The following ATXN1 variants were observed in gnomAD, a reference collection of about 807,000 sequenced individuals.
ATXN1 encodes ataxin 1.
Under a neutral mutation model 56.4 loss-of-function variants are expected in ATXN1, and 8 were observed. The observed-to-expected ratio is 0.14, with a 90% CI of 0.08 to 0.26. The LOEUF (loss-of-function observed/expected upper bound fraction) is 0.26, where lower values mean the gene tolerates loss of function less well. Among genes scored for constraint, ATXN1 ranks in the 10% least tolerant of loss-of-function variants. The pLI is 1.00. For synonymous variants in ATXN1, 514 were observed against 494.6 expected (o/e 1.04, Z -0.52); for missense variants, 987 against 1,106.5 (o/e 0.89, Z 1.53).
intron 2 of ATXN1, among the ~76,000 whole-genome samples, chr6:16,716,076 C>T (rs931179659): frequency 6.6e-5 from 10 of 152,184 alleles, no homozygotes; most frequent in Non-Finnish European, 1.3e-4. Flanking sequence ...GCTAAATTAA[C>T]GCATCCTTCG....
chr6:16,670,579 C>T (rs1758520104), intron 2 of ATXN1, among the ~76,000 whole-genome samples: 1 of 152,192 alleles, frequency 6.6e-6, no homozygotes, highest in African/African-American at 2.4e-5. Flanking sequence ...TCCGTTTTTA[C>T]TTGGCTCATC....
At chr6:16,338,184 T>G (rs763776047) in intron 6 of ATXN1, among the ~76,000 whole-genome samples, 7 of 152,200 alleles carry the variant, frequency 4.6e-5, no homozygotes, top group Non-Finnish European at 8.8e-5. Context: ...AAACCACCTA[T>G]GTTATCCATT....
intron 6 of ATXN1, among the ~76,000 whole-genome samples, chr6:16,441,728 T>C (rs1187755674): frequency 6.6e-6 from 1 of 152,154 alleles, no homozygotes; most frequent in African/African-American, 2.4e-5. Flanking sequence ...ATCCATTTTC[T>C]AGATGAAGAC....
chr6:16,742,066 A>C (rs1760358374), intron 2 of ATXN1, among the ~76,000 whole-genome samples: 1 of 152,214 alleles, frequency 6.6e-6, no homozygotes, highest in Non-Finnish European at 1.5e-5. Flanking sequence ...ATAGAAAGCA[A>C]AGTTGTATGG....
intron 6 of ATXN1, among the ~76,000 whole-genome samples, chr6:16,352,466 C>T (rs1048962440): frequency 3.3e-5 from 5 of 152,146 alleles, no homozygotes; most frequent in South Asian, 2.1e-4. Flanking sequence ...TTTAACAAAA[C>T]GCATGGATTT....
intron 6 of ATXN1, among the ~76,000 whole-genome samples, chr6:16,338,453 A>G (rs1377869486): frequency 6.6e-6 from 1 of 152,186 alleles, no homozygotes; most frequent in Non-Finnish European, 1.5e-5. Context: ...AGATCACACC[A>G]CTGCACTCCA....
chr6:16,635,280 C>G (rs1301416635), intron 3 of ATXN1, among the ~76,000 whole-genome samples: 2 of 152,178 alleles, frequency 1.3e-5, no homozygotes, highest in Non-Finnish European at 2.9e-5. Context: ...AAGGATCTCA[C>G]TGATTCTACA....
intron 3 of ATXN1, among the ~76,000 whole-genome samples, chr6:16,634,946 C>A (rs775243007): frequency 2.6e-5 from 4 of 152,108 alleles, no homozygotes; most frequent in African/African-American, 4.8e-5. Context: ...CTGGTCTCCA[C>A]CAGTTGATTA....
chr6:16,520,780 C>T (rs1158973930), intron 5 of ATXN1, among the ~76,000 whole-genome samples: 9 of 152,170 alleles, frequency 5.9e-5, no homozygotes, highest in South Asian at 4.1e-4. Context: ...AATGCTAACT[C>T]GTGTAGACCC....
chr6:16,610,254 A>AAACCAACC (rs141382992), intron 3 of ATXN1, among the ~76,000 whole-genome samples: 6 of 151,562 alleles, frequency 4.0e-5, no homozygotes, highest in African/African-American at 1.5e-4. Flanking sequence ...AATACAGAGT[A>AAACCAACC]AACCAACCAA....
chr6:16,333,507 T>C (rs1195849219), intron 6 of ATXN1, among the ~76,000 whole-genome samples: 2 of 152,190 alleles, frequency 1.3e-5, no homozygotes, highest in Non-Finnish European at 2.9e-5. Context: ...GAATTTGATA[T>C]ATAAACTCCT....
At position 16,393,550 on chromosome 6, in the gene ATXN1, G is replaced by A. The variant is rs551397379; in HGVS notation, c.-160-65080C>T. Among the ~76,000 whole-genome samples the A allele has an allele frequency of 2.0e-5, 3 of 152,242 alleles. No homozygotes were observed. In the South Asian group the frequency reaches 6.2e-4, roughly 32 times the overall value. On this transcript the variant is annotated intron_variant, in intron 6 of 7. Transcript: ENST00000436367. The stretch of plus-strand genomic sequence containing the variant: ...ATGATGGTTCATAGTGAGTTGTTTA[G>A]TTTAAAATATGTGACTCTATCTCTA...
intron 7 of ATXN1, among the ~76,000 whole-genome samples, chr6:16,322,208 G>A (rs1760671318): frequency 6.6e-6 from 1 of 152,140 alleles, no homozygotes; most frequent in Admixed American, 6.5e-5. Context: ...CTGGGTGACA[G>A]GGCAAGACCC....
At chr6:16,745,865 T>TA (rs1284621485) in intron 2 of ATXN1, among the ~76,000 whole-genome samples, 7 of 152,126 alleles carry the variant, frequency 4.6e-5, no homozygotes, top group African/African-American at 1.7e-4. Flanking sequence ...CTACCCTGAC[T>TA]ATACCTCAAA....
intron 6 of ATXN1, among the ~76,000 whole-genome samples, chr6:16,389,597 A>G (rs1353687922): frequency 1.3e-5 from 2 of 152,220 alleles, no homozygotes; most frequent in Non-Finnish European, 2.9e-5. Flanking sequence ...ACTTATCGAC[A>G]ATCCTTTCAC....
chr6:16,658,924 C>A (rs1488674427), intron 2 of ATXN1, among the ~76,000 whole-genome samples: 3 of 152,170 alleles, frequency 2.0e-5, no homozygotes, highest in Admixed American at 2.0e-4. Flanking sequence ...ATCAAGTGAC[C>A]AAGTTGTAAG....
intron 2 of ATXN1, among the ~76,000 whole-genome samples, chr6:16,709,314 T>C (rs917813043): frequency 4.6e-5 from 7 of 152,134 alleles, no homozygotes; most frequent in African/African-American, 1.7e-4. Context: ...TCTCACAACT[T>C]GGATGAAATA....
intron 6 of ATXN1, among the ~76,000 whole-genome samples, chr6:16,481,125 T>C (rs1581791146): frequency 6.6e-6 from 1 of 152,248 alleles, no homozygotes; most frequent in Non-Finnish European, 1.5e-5. Flanking sequence ...TTGGATGGAA[T>C]GAGCTCAGTC....
At chr6:16,719,381 C>T (rs1028017616) in intron 2 of ATXN1, among the ~76,000 whole-genome samples, 1 of 152,160 alleles carries the variant, frequency 6.6e-6, no homozygotes, top group Non-Finnish European at 1.5e-5. Flanking sequence ...ATGTCGCAAG[C>T]AGCATGCTGT....
Sources: gnomAD v4.1 joint callset for allele counts (sites outside exome capture counted in the v4.1 genomes callset) on GRCh38, gnomAD v4.1.1 for gene constraint, MANE v1.5 for transcripts, NCBI Gene and HGNC (gene_info 2026-07-23, HGNC 2026-07-21) for gene names.